The following MIGA1 variants were observed in gnomAD, a reference collection of about 807,000 sequenced individuals.
MIGA1 encodes the protein family with sequence similarity 73, member A.
A neutral mutation model predicts 82.0 loss-of-function variants in MIGA1; 58 were observed. That is an observed-to-expected ratio of 0.71 (90% CI 0.57 to 0.88). The LOEUF is 0.88. MIGA1 is among the 40% of genes least tolerant of loss of function. The pLI is 0.00. For synonymous variants in MIGA1, 249 were observed against 253.6 expected, an observed-to-expected ratio of 0.98 and a Z score of 0.17; for missense variants, 751 against 749.1, an observed-to-expected ratio of 1.00 and a Z score of -0.03.
chr1:77,818,609 G>A (rs1044619633), intron 7 of MIGA1, among the ~76,000 whole-genome samples: 2 of 152,110 alleles, frequency 1.3e-5, no homozygotes, highest in Non-Finnish European at 2.9e-5. Context: ...GAAATTAGAT[G>A]ATGGCTAAGA....
At chr1:77,830,573 C>G (rs891139734) in intron 7 of MIGA1, among the ~76,000 whole-genome samples, 1 of 152,056 alleles carries the variant, frequency 6.6e-6, no homozygotes, top group Non-Finnish European at 1.5e-5. Context: ...TCTTTCATCC[C>G]TCTTCCGCAC....
chr1:77,868,104 T>C (rs1234735702), intron 14 of MIGA1: 1 of 152,196 alleles, frequency 6.6e-6, no homozygotes, highest in East Asian at 1.9e-4. Flanking sequence ...ATGAAAGCGA[T>C]GATATCAGCA....
intron 8 of MIGA1, among the ~76,000 whole-genome samples, chr1:77,844,113 A>AAAAATAT (rs1296124524): frequency 4.5e-4 from 41 of 90,114 alleles, no homozygotes; most frequent in African/African-American, 1.7e-3. Context: ...AAAAAAAAAA[A>AAAAATAT]ATATATATAT....
intron 8 of MIGA1, among the ~76,000 whole-genome samples, chr1:77,852,897 G>C (rs1685108270): frequency 6.6e-6 from 1 of 152,098 alleles, no homozygotes; most frequent in Non-Finnish European, 1.5e-5. Context: ...CCCCATGTTG[G>C]CCAGGCTGGT....
At chr1:77,804,462 T>A (rs895064997) in intron 4 of MIGA1, among the ~76,000 whole-genome samples, 37 of 152,254 alleles carry the variant, frequency 2.4e-4, no homozygotes, top group African/African-American at 8.4e-4. Flanking sequence ...GTGCCTATAG[T>A]CTCAGCTATT....
Position 77,859,009 on chromosome 1 carries a change from A to G in MIGA1, c.1068A>G (p.Glu356=). 1 of 1,613,934 alleles carries G rather than the reference A, an allele frequency of 6.2e-7. No individual in the cohort carries two copies. The highest frequency in any genetic ancestry group is 8.5e-7 in the Non-Finnish European group (1 of 1,179,828). ...TTTGTCACTGCCCATTTTACGAGGA[A>G]GCCATGCATTTAGTTGAAGAAGGAA... The change falls in exon 9 of 16, where the codon GAA becomes GAG. Residue 356 remains glutamate (E), a synonymous_variant. Coordinates refer to ENST00000370791, the MANE Select transcript of MIGA1 (RefSeq NM_198549.4).
chr1:77,807,099 T>G lies in MIGA1; in HGVS notation c.635T>G (p.Met212Arg), dbSNP rs759827480. 2 of 1,573,786 alleles carry G rather than the reference T, an allele frequency of 1.3e-6. No homozygotes were observed. The highest frequency in any genetic ancestry group is 1.7e-4 in the Middle Eastern group (1 of 5,920). ...ACTACTCCAGAGAACTTATACTTAA[T>G]GGGTAGGAATGAGATGATAACATTT... The change falls in exon 5 of 16, where the codon ATG becomes AGG. Residue 212 changes from methionine (M) to arginine (R), a missense_variant and splice_region_variant. Physicochemically the swap from Met to Arg is moderately conservative, Grantham distance 91. This residue lies in a region of MIGA1 where 482 missense variants were observed against 439.4 expected (regional missense o/e 1.10). Coordinates refer to ENST00000370791, the MANE Select transcript of MIGA1 (RefSeq NM_198549.4).
chr1:77,869,576 C>G (rs1434232110), intron 14 of MIGA1, among the ~76,000 whole-genome samples: 3 of 141,072 alleles, frequency 2.1e-5, no homozygotes, highest in South Asian at 4.7e-4. Flanking sequence ...GGGGGGCTGA[C>G]CCCCCCACCA....
chr1:77,817,140 T>G (rs528933533), intron 7 of MIGA1, among the ~76,000 whole-genome samples: 7 of 152,196 alleles, frequency 4.6e-5, no homozygotes, highest in Non-Finnish European at 1.0e-4. Context: ...GGCACATTTT[T>G]TCTATATCCT....
chr1:77,824,150 G>A (rs1320544614), intron 7 of MIGA1, among the ~76,000 whole-genome samples: 1 of 152,180 alleles, frequency 6.6e-6, no homozygotes, highest in African/African-American at 2.4e-5. Flanking sequence ...GAAAATAAAA[G>A]AGCAGTATTA....
At chr1:77,837,369 T>G (rs1413347559) in intron 7 of MIGA1, among the ~76,000 whole-genome samples, 1 of 152,186 alleles carries the variant, frequency 6.6e-6, no homozygotes, top group Non-Finnish European at 1.5e-5. Context: ...GCTACTGTAT[T>G]GGACACCAGG....
chr1:77,805,500 A>T (rs1570939284), intron 4 of MIGA1, among the ~76,000 whole-genome samples: 1 of 98,468 alleles, frequency 1.0e-5, no homozygotes, highest in Non-Finnish European at 2.0e-5. Context: ...CAGTGTATTG[A>T]TGGAATATAC....
In MIGA1 at chr1:77,877,159, G is replaced by T. The variant is rs1398599887; in HGVS notation, c.*2095G>T. On this transcript the variant is annotated 3_prime_UTR_variant, in exon 16 of 16. Transcript: ENST00000370791. ...CTCCTAAAATGCATTTTTAAAAAGCGAATTTTTAGATTAAAGTGCCTAGTT... is the reference window on the plus strand; with the variant it reads ...CTCCTAAAATGCATTTTTAAAAAGCTAATTTTTAGATTAAAGTGCCTAGTT... The T allele has an allele frequency of 1.3e-5, 2 of 152,034 alleles. No individual in the cohort carries two copies. Among genetic ancestry groups the T allele is most frequent in the African/African-American group, 2.4e-5 (1 of 41,376 alleles). 9.4% of individuals were successfully genotyped at this position (152,034 alleles called of 1,614,324 possible).
chr1:77,795,653 A>T (rs1570928255), intron 2 of MIGA1, among the ~76,000 whole-genome samples: 1 of 131,420 alleles, frequency 7.6e-6, no homozygotes. Flanking sequence ...TTTTTTGGAG[A>T]GATTCTCACT....
chr1:77,863,333 C>G (rs1685542050), intron 12 of MIGA1, among the ~76,000 whole-genome samples: 1 of 152,148 alleles, frequency 6.6e-6, no homozygotes, highest in Admixed American at 6.6e-5. Flanking sequence ...TCATTCTTTC[C>G]CCTGTTTCAT....
intron 8 of MIGA1, chr1:77,847,547 T>G (rs908242646): frequency 8.1e-6 from 12 of 1,483,708 alleles, no homozygotes; most frequent in Non-Finnish European, 1.1e-5. Flanking sequence ...AGGGAGAGTT[T>G]GATGATAAAG....
intron 8 of MIGA1, among the ~76,000 whole-genome samples, chr1:77,857,728 T>TG (rs1052642007): frequency 4.1e-5 from 6 of 145,516 alleles, no homozygotes; most frequent in Non-Finnish European, 7.5e-5. Flanking sequence ...GGGTTGTTGT[T>TG]TTTTTTTTTT....
chr1:77,822,510 G>A (rs1418525372), intron 7 of MIGA1, among the ~76,000 whole-genome samples: 2 of 152,148 alleles, frequency 1.3e-5, no homozygotes, highest in African/African-American at 4.8e-5. Flanking sequence ...GGAAAATACA[G>A]AATTTTTTTG....
At chr1:77,859,583 A>G (rs1480540454) in intron 10 of MIGA1, 197 bp downstream of exon 10, 3 of 516,028 alleles carry the variant, frequency 5.8e-6, no homozygotes, top group Admixed American at 6.2e-5. Flanking sequence ...ATCCTCTCCC[A>G]TGGCTTCCCA....
Sources: allele counts gnomAD v4.1 joint callset (sites outside exome capture counted in the v4.1 genomes callset), GRCh38; gene constraint gnomAD v4.1.1; regional missense constraint gnomAD v4.1.1; transcripts MANE v1.5; gene names NCBI Gene and HGNC (gene_info 2026-07-23, HGNC 2026-07-21).